The following SLC19A1 variants were observed in gnomAD, a reference collection of about 807,000 sequenced individuals.
SLC19A1 encodes the protein reduced folate transporter.
Under a neutral mutation model 35.3 loss-of-function variants are expected in SLC19A1, and 37 were observed. The observed-to-expected ratio is 1.05, with a 90% CI of 0.81 to 1.38. The LOEUF is 1.38. Ranked by LOEUF, SLC19A1 falls within the 40% of genes most tolerant of loss-of-function variation. The pLI, the probability that SLC19A1 is intolerant of heterozygous loss-of-function variation, is 0.00. For missense variants in SLC19A1, 831 were observed against 826.9 expected, an observed-to-expected ratio of 1.00 and a Z score of -0.06; for synonymous variants, 460 against 398.5, an observed-to-expected ratio of 1.15 and a Z score of -1.84.
At chr21:45,512,076 C>G (rs2037643648), downstream of SLC19A1, 2 of 1,199,258 alleles carry the variant, frequency 1.7e-6, no homozygotes, top group South Asian at 2.6e-5. Context: ...CTCTGCAGCC[C>G]CCTGGTAACC....
downstream of SLC19A1, among the ~76,000 whole-genome samples, chr21:45,508,041 G>A (rs934442449): frequency 3.3e-5 from 5 of 151,054 alleles, no homozygotes; most frequent in South Asian, 2.1e-4. Context: ...GAGTGGATAC[G>A]TAGGTAGATG....
At chr21:45,538,091 C>CTCT (rs1054121826) in intron 1 of SLC19A1, 83 bp from the exon 2 acceptor site, 87 of 753,550 alleles carry the variant, frequency 1.2e-4, no homozygotes, top group Non-Finnish European at 1.8e-4. Context: ...CAGTGCCGGC[C>CTCT]TCCTCGCCAC....
chr21:45,515,411 A>T lies in SLC19A1; in HGVS notation c.*247T>A, dbSNP rs541217653. On this transcript the variant is annotated 3_prime_UTR_variant, in exon 6 of 6. Transcript: ENST00000311124. ...GGCCTGGTGGACGCAGAAGCCCACC[A>T]CCCACCTCTTCCAGCAACAAAGCCC... The T allele has an allele frequency of 7.1e-7, 1 of 1,418,296 alleles. No individual in the cohort carries two copies. Among genetic ancestry groups the T allele is most frequent in the East Asian group, 2.6e-5 (1 of 39,008 alleles). 87.9% of individuals were successfully genotyped at this position (1,418,296 alleles called of 1,614,324 possible).
chr21:45,503,471 T>G (rs1315208558), intron 3 of SLC19A1, among the ~76,000 whole-genome samples: 3 of 151,958 alleles, frequency 2.0e-5, no homozygotes, highest in Non-Finnish European at 2.9e-5. Context: ...AAATGATGAG[T>G]TCATGTCCTT....
At chr21:45,519,570 C>CAAAAAAAAA (rs57639933) in intron 5 of SLC19A1, among the ~76,000 whole-genome samples, 7 of 57,230 alleles carry the variant, frequency 1.2e-4, no homozygotes, top group Admixed American at 2.0e-4. Context: ...AACTTCTGAG[C>CAAAAAAAAA]AAAAAAAAAA....
At chr21:45,507,417 G>GGGGCAGGTGCT in intron 3 of SLC19A1, 1 of 848,064 alleles carries the variant, frequency 1.2e-6, no homozygotes, top group East Asian at 2.6e-5. Context: ...CAGGCTTGGA[G>GGGGCAGGTGCT]GGGCAGGTGC....
downstream of SLC19A1, chr21:45,510,379 G>A (rs2037507107): frequency 3.3e-6 from 4 of 1,200,974 alleles, no homozygotes; most frequent in South Asian, 5.2e-5. Flanking sequence ...TACAGACACT[G>A]GCGCCTAGGC....
At chr21:45,509,189 C>T (rs553351641), downstream of SLC19A1, among the ~76,000 whole-genome samples, 1 of 152,180 alleles carries the variant, frequency 6.6e-6, no homozygotes, top group African/African-American at 2.4e-5. Flanking sequence ...GACTCCCCAC[C>T]CTTGCTGCTG....
chr21:45,530,823 A>C lies in SLC19A1; in HGVS notation c.1098T>G (p.Tyr366Ter). 6.4e-7 allele frequency: 1 copy of C among 1,556,992 alleles called. No homozygotes were observed. The highest frequency in any genetic ancestry group is 8.7e-7 in the Non-Finnish European group (1 of 1,152,204). The change falls in exon 4 of 6, where the codon TAT (tyrosine) becomes TAG (stop). Residue 366 changes from tyrosine (Y) to a stop codon, truncating the protein, a stop_gained. Transcript: ENST00000311124. LOFTEE classifies it high-confidence loss of function. This position sits in a 1 kb window ranked among gnomAD's most constrained non-coding sequence, Gnocchi z 5.3. ...AGCCGCGGAACAGCACGAAGGCCGC[A>C]TAGCACAGCCAGATGCTGCTCGGGT... ...TRHPSSIWLC[Y>*]AAFVLFRGSY... is the part of the protein sequence containing the mutation.
chr21:45,559,235 C>T (rs1290893731), intron 1 of SLC19A1, among the ~76,000 whole-genome samples: 3 of 152,206 alleles, frequency 2.0e-5, no homozygotes, highest in Admixed American at 6.5e-5. Flanking sequence ...TCAAAAAGCA[C>T]CATGAAGAAC....
intron 5 of SLC19A1, among the ~76,000 whole-genome samples, chr21:45,518,665 C>A (rs553499158): frequency 8.8e-4 from 134 of 152,150 alleles, no homozygotes; most frequent in Non-Finnish European, 1.5e-3. Flanking sequence ...AGTAATTGCT[C>A]ATCAAAAATC....
downstream of SLC19A1, chr21:45,507,639 G>GA (rs574566350): frequency 3.4e-4 from 539 of 1,568,572 alleles, 1 homozygote; most frequent in Non-Finnish European, 4.5e-4. Context: ...GTCAGGACAT[G>GA]AGGGGGTATG....
Position 45,517,713 on chromosome 21 carries a change from C to T in SLC19A1, c.1294-1573G>A, listed in dbSNP as rs12482346. Among the ~76,000 whole-genome samples the T allele has an allele frequency of 0.46, 70,086 of 151,844 alleles. 16,347 individuals are homozygous for T. The highest frequency in any genetic ancestry group is 0.56 in the East Asian group (2,860 of 5,140). On this transcript the variant is annotated intron_variant, in intron 5 of 5. Transcript: ENST00000311124. This position sits in a 1 kb window ranked among gnomAD's most constrained non-coding sequence, Gnocchi z 4.4. ...GGTCAAGCGGGAGTCCAGACTTTCA[C>T]CTACCCAGCAATAATGAGAATGTCC...
intron 1 of SLC19A1, among the ~76,000 whole-genome samples, chr21:45,539,868 GAGGT>G (rs2078249274): frequency 6.6e-6 from 1 of 152,184 alleles, no homozygotes; most frequent in Non-Finnish European, 1.5e-5. Context: ...GGGGAACCTC[GAGGT>G]TTCCGGAGCT....
chr21:45,537,633 C>A (rs1271830057), intron 2 of SLC19A1, 138 bp downstream of exon 2: 1 of 677,042 alleles, frequency 1.5e-6, no homozygotes, highest in Non-Finnish European at 2.2e-6. Flanking sequence ...CCAGCGCCCA[C>A]GTGCCTATTC....
In SLC19A1 at chr21:45,535,435, G is replaced by A. The variant is rs73907597; in HGVS notation, c.189+2336C>T. ...GGAGGCAGAAAAGGGAACCAGGTCC[G>A]AGGAGGACAGCAACCACAGGGCTGC... On this transcript the variant is annotated intron_variant, in intron 2 of 5. Transcript: ENST00000311124. Among the ~76,000 whole-genome samples the A allele has an allele frequency of 8.4e-3, 1,276 of 152,322 alleles. 17 individuals carry two copies. The highest frequency in any genetic ancestry group is 0.029 in the African/African-American group (1,225 of 41,572).
chr21:45,560,466 G>A, intron 1 of SLC19A1, among the ~76,000 whole-genome samples: 1 of 151,802 alleles, frequency 6.6e-6, no homozygotes, highest in South Asian at 2.1e-4. Context: ...GCGCCCACAG[G>A]AGCTAATCCA....
chr21:45,516,505 C>T (rs1206809009), intron 5 of SLC19A1, among the ~76,000 whole-genome samples: 2 of 152,210 alleles, frequency 1.3e-5, no homozygotes, highest in East Asian at 1.9e-4. Context: ...AGGGCCAGAA[C>T]GTCCCGCCTG....
intron 3 of SLC19A1, chr21:45,505,163 G>T: frequency 1.2e-6 from 2 of 1,608,116 alleles, no homozygotes; most frequent in South Asian, 1.1e-5. Flanking sequence ...TCCGGGGCCA[G>T]CCCGGCCCAC....
Sources: allele counts gnomAD v4.1 joint callset (sites outside exome capture counted in the v4.1 genomes callset), GRCh38; gene constraint gnomAD v4.1.1; non-coding constraint Gnocchi (gnomAD v3.1); transcripts MANE v1.5; gene names NCBI Gene and HGNC (gene_info 2026-07-23, HGNC 2026-07-21).